Variants in NBPF11 observed in about 807,000 individuals in gnomAD.
NBPF11 encodes NBPF family member NBPF11.
NBPF11 carries 72 observed loss-of-function variants against 93.9 expected under a neutral mutation model. The ratio of observed to expected loss-of-function variants is 0.77; its 90% CI spans 0.63 to 0.93. The LOEUF is 0.93. Ranked by LOEUF, NBPF11 falls within the 40% of genes least tolerant of loss-of-function variation. The pLI is 0.00. For missense variants in NBPF11, 705 were observed against 802.2 expected (o/e 0.88, Z 1.46); for synonymous variants, 224 against 304.9 (o/e 0.73, Z 2.76).
intron 20 of NBPF11, among the ~76,000 whole-genome samples, chr1:148,106,692 C>T (rs1241516484): frequency 2.0e-5 from 3 of 148,448 alleles, no homozygotes; most frequent in Non-Finnish European, 4.4e-5. Flanking sequence ...TGCCTGGGTC[C>T]AATGTGCTGA....
In NBPF11 at chr1:148,146,976, C is replaced by T. The variant is rs1437750806; in HGVS notation, c.-548-3290G>A. The T allele has an allele frequency of 1.4e-5, 20 of 1,419,086 alleles. 1 individual carries two copies. The highest frequency in any genetic ancestry group is 8.6e-5 in the African/African-American group (6 of 69,660). The allele number at this position is 1,419,086 out of a possible 1,614,324, so 87.9% of individuals were successfully genotyped here. A position where few individuals can be genotyped will look rare whatever the true frequency, so the allele number is the denominator to read the frequency against. On this transcript the variant is annotated intron_variant, in intron 1 of 23. Coordinates refer to ENST00000682118, the MANE Select transcript of NBPF11 (RefSeq NM_001385469.3). ...TGGGCACACCCAAGAGGGGACCAGG[C>T]GGGGGGCCGGGGGGCGGGCTTCCCT...
At chr1:148,120,797 G>A in intron 9 of NBPF11, 87 bp from the exon 10 acceptor site, 1 of 981,214 alleles carries the variant, frequency 1.0e-6, no homozygotes, top group Non-Finnish European at 1.6e-6. Flanking sequence ...GTCACTGGTA[G>A]CCTTGTTTAC....
rs1553273166 is a variant in NBPF11 at position 148,126,759 on chromosome 1, A to C, written c.175+70T>G. 609 of 1,503,612 alleles carry C rather than the reference A, an allele frequency of 4.1e-4. 6 individuals carry two copies. The African/African-American group carries it at 6.7e-3, about 17-fold the overall frequency. 93.1% of individuals were successfully genotyped at this position (1,503,612 alleles called of 1,614,324 possible). A position where few individuals can be genotyped will look rare whatever the true frequency, so the allele number is the denominator to read the frequency against. On this transcript the variant is annotated intron_variant, in intron 5 of 23. Transcript: ENST00000682118. The stretch of plus-strand genomic sequence containing the variant: ...CTAGAAGTACAGGAAGGATGAAATT[A>C]TTTTTGATGGAGAGAGCATTTAGTG...
intron 17 of NBPF11, among the ~76,000 whole-genome samples, 188 bp from the exon 18 acceptor site, chr1:148,108,842 G>GACAGACAC (rs1553267954): frequency 1.8e-5 from 2 of 112,812 alleles, no homozygotes; most frequent in Non-Finnish European, 3.6e-5. Flanking sequence ...GAAAGAGAAA[G>GACAGACAC]ACACACACAC....
rs1664418967 is a variant in NBPF11 at position 148,108,664 on chromosome 1, T to G, written c.1854-10A>C. ...CAGCTCCCTGCTGAGCCTGGAAAAG[T>G]GGGAAAAAGTAAAGAATAAGCCAGG... On this transcript the variant is annotated splice_polypyrimidine_tract_variant and intron_variant, in intron 17 of 23. Coordinates refer to ENST00000682118, the MANE Select transcript of NBPF11 (RefSeq NM_001385469.3). The G allele has an allele frequency of 1.5e-5, 14 of 940,432 alleles. No individual in the cohort carries two copies. Among genetic ancestry groups the G allele is most frequent in the Non-Finnish European group, 1.9e-5 (11 of 568,594 alleles). 58.3% of individuals were successfully genotyped at this position (940,432 alleles called of 1,614,324 possible). A position where few individuals can be genotyped will look rare whatever the true frequency, so the allele number is the denominator to read the frequency against.
Position 148,136,642 on chromosome 1 carries a change from G to A in NBPF11, c.-177-829C>T, listed in dbSNP as rs1325102590. Among the ~76,000 whole-genome samples, 58 of 152,118 alleles carry A rather than the reference G, an allele frequency of 3.8e-4. No individual in the cohort carries two copies. In the South Asian group the frequency reaches 0.011, roughly 29 times the overall value. The stretch of plus-strand genomic sequence containing the variant: ...TACTAAGAAACTCCTGCGGGATTTT[G>A]CCCAGCTCCATTTCCAAACTATTTT... On this transcript the variant is annotated intron_variant, in intron 3 of 23. Transcript: ENST00000682118.
At chr1:148,108,715 G>C (rs1433005458) in intron 17 of NBPF11, 61 bp from the exon 18 acceptor site, 1 of 780,594 alleles carries the variant, frequency 1.3e-6, no homozygotes, top group Non-Finnish European at 2.3e-6. Context: ...CACAGCCCCA[G>C]CTAGATTTCA....
At chr1:148,116,583 G>A in intron 12 of NBPF11, 48 bp from the exon 13 acceptor site, 1 of 642,962 alleles carries the variant, frequency 1.6e-6, no homozygotes, top group Admixed American at 2.2e-5. Flanking sequence ...TTCACAGTCT[G>A]CAAGCACAGT....
At chr1:148,148,829 T>G (rs1647425415) in intron 1 of NBPF11, among the ~76,000 whole-genome samples, 1 of 151,724 alleles carries the variant, frequency 6.6e-6, no homozygotes, top group Non-Finnish European at 1.5e-5. Context: ...AGTGTGCACC[T>G]AGGGGTGACC....
At chr1:148,140,331 T>C (rs1386803162) in intron 2 of NBPF11, among the ~76,000 whole-genome samples, 2 of 151,932 alleles carry the variant, frequency 1.3e-5, no homozygotes, top group African/African-American at 2.4e-5. Context: ...GGAGATAACA[T>C]AGGAGAAAAT....
intron 9 of NBPF11, among the ~76,000 whole-genome samples, chr1:148,121,086 G>T (rs1475093483): frequency 6.6e-6 from 1 of 151,530 alleles, no homozygotes; most frequent in Non-Finnish European, 1.5e-5. Context: ...ACTCTGTCGC[G>T]CAGGCTGCAG....
chr1:148,105,419 T>C lies in NBPF11; in HGVS notation c.2413A>G (p.Thr805Ala), dbSNP rs1207757953. 4 of 1,117,850 alleles carry C rather than the reference T, an allele frequency of 3.6e-6. No homozygotes were observed. The highest frequency in any genetic ancestry group is 2.5e-5 in the South Asian group (2 of 80,574). 69.2% of individuals were successfully genotyped at this position (1,117,850 alleles called of 1,614,324 possible). The part of the protein sequence containing the change: ...VLNSLTPASP[T>A]EVPFMHWRKN... ...CTCCAATGCATAAAAGGAACTTCCG[T>C]AGGGCTGGCAGGAGTCAGGCTGTTC... Residue 805 changes from threonine (T) to alanine (A), a missense_variant, in exon 22 of 24, where the codon ACG becomes GCG. Around this residue, in one of 12 missense-constraint regions of NBPF11, gnomAD observed 109 missense variants for 83.3 expected, o/e 1.31. Coordinates refer to ENST00000682118, the MANE Select transcript of NBPF11 (RefSeq NM_001385469.3).
Position 148,147,035 on chromosome 1 carries a change from C to T in NBPF11, c.-548-3349G>A, listed in dbSNP as rs1174142135. On this transcript the variant is annotated intron_variant, in intron 1 of 23. Transcript: ENST00000682118. ...GGTGGGCGGCCCTGCAGGAGGGGAG[C>T]CACAGTGGATGCACAGGGCCAGAGA... is the stretch of plus-strand genomic sequence containing the variant. 1.4e-4 allele frequency: 151 copies of T among 1,077,074 alleles called. 1 individual carries two copies. In the South Asian group the frequency reaches 2.2e-3, roughly 16 times the overall value. The allele number at this position is 1,077,074 out of a possible 1,614,324, so 66.7% of individuals were successfully genotyped here.
intron 12 of NBPF11, among the ~76,000 whole-genome samples, chr1:148,117,238 C>G (rs1666785489): frequency 6.7e-6 from 1 of 149,926 alleles, no homozygotes; most frequent in Non-Finnish European, 1.5e-5. Flanking sequence ...AAAAGACAGC[C>G]TGGGAACCTT....
chr1:148,117,234 C>T (rs1327628022), intron 12 of NBPF11, among the ~76,000 whole-genome samples: 1 of 150,012 alleles, frequency 6.7e-6, no homozygotes, highest in Non-Finnish European at 1.5e-5. Flanking sequence ...GCCAAAAAGA[C>T]AGCCTGGGAA....
chr1:148,151,086 A>C (rs1206462113), intron 1 of NBPF11, among the ~76,000 whole-genome samples: 1 of 151,898 alleles, frequency 6.6e-6, no homozygotes, highest in African/African-American at 2.4e-5. Context: ...AGGACGCCAA[A>C]TGAGATGATC....
chr1:148,123,467 G>GGC (rs1668373273), intron 7 of NBPF11, among the ~76,000 whole-genome samples: 58 of 152,290 alleles, frequency 3.8e-4, no homozygotes, highest in African/African-American at 1.3e-3. Flanking sequence ...ACTCTGGAAA[G>GGC]ATAAATCACT....
intron 14 of NBPF11, among the ~76,000 whole-genome samples, chr1:148,115,259 C>A (rs1666227771): frequency 1.4e-5 from 2 of 144,902 alleles, no homozygotes; most frequent in African/African-American, 2.6e-5. Context: ...GGGTGGAGAA[C>A]CAGGGTCCAG....
chr1:148,132,239 TTG>T (rs201393438), intron 4 of NBPF11, among the ~76,000 whole-genome samples: 21 of 138,272 alleles, frequency 1.5e-4, no homozygotes, highest in East Asian at 1.1e-3. Context: ...ACACACATGT[TTG>T]TGTGTGTGTG....
Sources: allele counts gnomAD v4.1 joint callset (sites outside exome capture counted in the v4.1 genomes callset), GRCh38; gene constraint gnomAD v4.1.1; regional missense constraint gnomAD v4.1.1; transcripts MANE v1.5; gene names NCBI Gene and HGNC (gene_info 2026-07-23, HGNC 2026-07-21).